The following HSF2BP variants were observed in gnomAD, a reference collection of about 807,000 sequenced individuals.
HSF2BP encodes the protein heat shock transcription factor 2 binding protein.
HSF2BP carries 35 observed loss-of-function variants against 35.0 expected under a neutral mutation model. The ratio of observed to expected loss-of-function variants is 1.00; its 90% CI spans 0.76 to 1.32. HSF2BP has a LOEUF of 1.32. HSF2BP is among the 40% of genes most tolerant of loss of function. HSF2BP has a pLI of 0.00. For missense variants in HSF2BP, 326 were observed against 321.7 expected (o/e 1.01, Z -0.10); for synonymous variants, 114 against 117.4 (o/e 0.97, Z 0.18).
intron 6 of HSF2BP, among the ~76,000 whole-genome samples, chr21:43,614,469 C>T (rs945114517): frequency 6.6e-5 from 10 of 151,964 alleles, no homozygotes; most frequent in African/African-American, 2.2e-4. Flanking sequence ...GATTAGCAAG[C>T]GCCGAAAGAG....
Position 43,592,345 on chromosome 21 carries a change from A to T in HSF2BP, c.693-17T>A. ...AGCATTAGCCTGAAATGTAAAAGAA[A>T]AAGGTGTTGGAATGCTCCATCCACA... On this transcript the variant is annotated splice_polypyrimidine_tract_variant and intron_variant, in intron 7 of 8. Transcript: ENST00000291560. 1 of 1,556,592 alleles carries T rather than the reference A, an allele frequency of 6.4e-7. No homozygotes were observed. Among genetic ancestry groups the T allele is most frequent in the Non-Finnish European group, 8.9e-7 (1 of 1,127,572 alleles).
At chr21:43,587,494 C>T (rs2081867369) in intron 8 of HSF2BP, among the ~76,000 whole-genome samples, 1 of 151,786 alleles carries the variant, frequency 6.6e-6, no homozygotes, top group Admixed American at 6.6e-5. Flanking sequence ...GGAGAAACCG[C>T]ATCTCTATTA....
chr21:43,617,722 G>A (rs1217098658), intron 6 of HSF2BP, among the ~76,000 whole-genome samples: 2 of 152,048 alleles, frequency 1.3e-5, no homozygotes, highest in Admixed American at 6.5e-5. Flanking sequence ...CAGAGGCCAA[G>A]GCGGGTGGAT....
At chr21:43,584,202 T>TG (rs1458070809) in intron 8 of HSF2BP, among the ~76,000 whole-genome samples, 1 of 151,848 alleles carries the variant, frequency 6.6e-6, no homozygotes, top group Non-Finnish European at 1.5e-5. Flanking sequence ...CTGAGGGAGA[T>TG]GAAGGGCCTG....
chr21:43,624,619 G>A (rs1395528226), intron 6 of HSF2BP, among the ~76,000 whole-genome samples: 3 of 152,116 alleles, frequency 2.0e-5, no homozygotes, highest in Non-Finnish European at 4.4e-5. Context: ...GAAGGTCCCT[G>A]GAAGACTAAG....
chr21:43,583,288 A>G (rs1239269866), intron 8 of HSF2BP, among the ~76,000 whole-genome samples: 12 of 27,528 alleles, frequency 4.4e-4, no homozygotes, highest in Non-Finnish European at 5.3e-4. Context: ...AGGGAGATGA[A>G]GACCTGCTGT....
intron 3 of HSF2BP, among the ~76,000 whole-genome samples, chr21:43,651,747 G>A (rs2082789163): frequency 6.6e-6 from 1 of 152,130 alleles, no homozygotes. Flanking sequence ...TCAATCCCAT[G>A]TGTGACTTTC....
chr21:43,640,569 A>T (rs1288240115), intron 4 of HSF2BP, among the ~76,000 whole-genome samples: 1 of 152,242 alleles, frequency 6.6e-6, no homozygotes, highest in East Asian at 1.9e-4. Flanking sequence ...GAATTGATGA[A>T]ATACAAAGAA....
chr21:43,636,087 G>A (rs2082549707), intron 4 of HSF2BP, among the ~76,000 whole-genome samples: 1 of 151,176 alleles, frequency 6.6e-6, no homozygotes, highest in Non-Finnish European at 1.5e-5. Context: ...CAGGCATGGT[G>A]AGGCTGAAGT....
At chr21:43,582,428 CGGGAGATGAGTACCTGTTGA>C (rs2081765570) in intron 8 of HSF2BP, among the ~76,000 whole-genome samples, 1 of 121,616 alleles carries the variant, frequency 8.2e-6, no homozygotes. Flanking sequence ...GGGCCTGTTG[CGGGAGATGAGTACCTGTTGA>C]GGGAGATGAG....
At chr21:43,609,029 C>T (rs2082169960) in intron 7 of HSF2BP, among the ~76,000 whole-genome samples, 1 of 152,156 alleles carries the variant, frequency 6.6e-6, no homozygotes, top group African/African-American at 2.4e-5. Flanking sequence ...CCCAGGTGTC[C>T]ATCAACAGTG....
intron 1 of HSF2BP, among the ~76,000 whole-genome samples, chr21:43,658,916 G>A (rs1050852170): frequency 6.6e-6 from 1 of 152,228 alleles, no homozygotes; most frequent in Non-Finnish European, 1.5e-5. Flanking sequence ...CCACCCGGGG[G>A]CCCGGGGGCT....
chr21:43,632,722 C>G (rs573957161), intron 5 of HSF2BP, among the ~76,000 whole-genome samples: 2 of 152,270 alleles, frequency 1.3e-5, no homozygotes, highest in East Asian at 3.9e-4. Context: ...TCATGATGAT[C>G]TAACATACAA....
At position 43,658,269 on chromosome 21, in the gene HSF2BP, G is replaced by A. The variant is rs113101233; in HGVS notation, c.-173C>T. The stretch of plus-strand genomic sequence containing the variant: ...GCCTAGAGAGCGAGGAGTGGCCTTG[G>A]CGAGGTCCCTCTTTGGCTCTTCTGG... On this transcript the variant is annotated 5_prime_UTR_variant, in exon 2 of 9. Coordinates refer to ENST00000291560, the MANE Select transcript of HSF2BP (RefSeq NM_007031.2). 6 of 717,040 alleles carry A rather than the reference G, an allele frequency of 8.4e-6. No homozygotes were observed. The highest frequency in any genetic ancestry group is 7.5e-5 in the African/African-American group (4 of 53,664). 44.4% of individuals were successfully genotyped at this position (717,040 alleles called of 1,614,324 possible).
intron 8 of HSF2BP, among the ~76,000 whole-genome samples, chr21:43,587,719 A>T (rs2146760011): frequency 6.6e-6 from 1 of 152,192 alleles, no homozygotes; most frequent in African/African-American, 2.4e-5. Context: ...AGAAGCAAAA[A>T]AAAATTGCAT....
In HSF2BP at chr21:43,644,403, G is replaced by A; in HGVS notation, c.188-11C>T. The A allele has an allele frequency of 6.2e-7, 1 of 1,601,554 alleles. No homozygotes were observed. Among genetic ancestry groups the A allele is most frequent in the Non-Finnish European group, 8.6e-7 (1 of 1,168,568 alleles). On this transcript the variant is annotated splice_polypyrimidine_tract_variant and intron_variant, in intron 3 of 8. Transcript: ENST00000291560. ...CTTTCCTTTCCAGGTCTAGGAGAAA[G>A]ACATAAAATTACTCAAGATATTTCA... is the stretch of plus-strand genomic sequence containing the variant.
At chr21:43,577,065 T>C (rs777730876) in intron 8 of HSF2BP, among the ~76,000 whole-genome samples, 14 of 152,184 alleles carry the variant, frequency 9.2e-5, no homozygotes, top group Admixed American at 2.0e-4. Context: ...GTCAAGGAGC[T>C]TGCCCCAAAC....
intron 8 of HSF2BP, among the ~76,000 whole-genome samples, chr21:43,585,901 G>C (rs930843452): frequency 6.6e-6 from 1 of 152,236 alleles, no homozygotes; most frequent in Non-Finnish European, 1.5e-5. Context: ...GAATGTGAAT[G>C]TTTATTAGAT....
chr21:43,614,946 T>C (rs1476342175), intron 6 of HSF2BP, among the ~76,000 whole-genome samples: 1 of 152,218 alleles, frequency 6.6e-6, no homozygotes, highest in African/African-American at 2.4e-5. Context: ...TTATGTCCCA[T>C]TGTGGAACAG....
Sources: allele counts gnomAD v4.1 joint callset (sites outside exome capture counted in the v4.1 genomes callset), GRCh38; gene constraint gnomAD v4.1.1; transcripts MANE v1.5; gene names NCBI Gene and HGNC (gene_info 2026-07-23, HGNC 2026-07-21).